The following SMG6 variants were observed in gnomAD, a reference collection of about 807,000 sequenced individuals.
The protein encoded by SMG6 is telomerase-binding protein EST1A.
A neutral mutation model predicts 142.2 loss-of-function variants in SMG6; 66 were observed. The ratio of observed to expected loss-of-function variants is 0.46; its 90% CI spans 0.38 to 0.57. The LOEUF is 0.57. Ranked by LOEUF, SMG6 falls within the 20% of genes least tolerant of loss-of-function variation. SMG6 has a pLI of 0.00. For synonymous variants in SMG6, 779 were observed against 702.4 expected, an observed-to-expected ratio of 1.11 and a Z score of -1.72; for missense variants, 1,793 against 1,832.0, an observed-to-expected ratio of 0.98 and a Z score of 0.39.
At chr17:2,254,420 C>T (rs938990012) in intron 8 of SMG6, among the ~76,000 whole-genome samples, 4 of 152,174 alleles carry the variant, frequency 2.6e-5, no homozygotes, top group South Asian at 2.1e-4. Flanking sequence ...CTGCAACCTC[C>T]GCCTCTGGGG....
chr17:2,207,596 T>C (rs2072727181), intron 10 of SMG6, among the ~76,000 whole-genome samples: 1 of 152,118 alleles, frequency 6.6e-6, no homozygotes, highest in Non-Finnish European at 1.5e-5. Context: ...AGATCAATGA[T>C]ATATTAAAAT....
chr17:2,261,103 G>A (rs979564497), intron 8 of SMG6, among the ~76,000 whole-genome samples: 1 of 151,712 alleles, frequency 6.6e-6, no homozygotes, highest in African/African-American at 2.4e-5. Context: ...TCAGGAGATC[G>A]AGACCATCCT....
At chr17:2,255,431 A>AAAAAAAC (rs2074149897) in intron 8 of SMG6, among the ~76,000 whole-genome samples, 1 of 132,752 alleles carries the variant, frequency 7.5e-6, no homozygotes, top group Non-Finnish European at 1.6e-5. Flanking sequence ...AAAAAAAAAG[A>AAAAAAAC]ATGTGATCTT....
Position 2,060,508 on chromosome 17 carries a change from A to T in SMG6, c.*984T>A, listed in dbSNP as rs2067742112. 1 of 152,244 alleles carries T rather than the reference A, an allele frequency of 6.6e-6. No homozygotes were observed. Among genetic ancestry groups the T allele is most frequent in the African/African-American group, 2.4e-5 (1 of 41,446 alleles). 9.4% of individuals were successfully genotyped at this position (152,244 alleles called of 1,614,324 possible). ...TAGGTTCCTGCCATGGGTAGTAGAGAGGGAAAGTTCAGAGTGAGAACCCCT... is the reference window on the plus strand; with the variant it reads ...TAGGTTCCTGCCATGGGTAGTAGAGTGGGAAAGTTCAGAGTGAGAACCCCT... On this transcript the variant is annotated 3_prime_UTR_variant, in exon 19 of 19. Coordinates refer to ENST00000263073, the MANE Select transcript of SMG6 (RefSeq NM_017575.5).
At chr17:2,184,132 C>CG (rs2071895536) in intron 12 of SMG6, among the ~76,000 whole-genome samples, 2 of 151,856 alleles carry the variant, frequency 1.3e-5, no homozygotes, top group Non-Finnish European at 2.9e-5. Context: ...GAGGCTGAGG[C>CG]GGGTGGACCA....
intron 6 of SMG6, among the ~76,000 whole-genome samples, chr17:2,288,687 G>C (rs111516101): frequency 0.056 from 8,446 of 151,250 alleles, 767 homozygotes; most frequent in African/African-American, 0.19. Flanking sequence ...CTAGCACTTT[G>C]AGAGGCTGAG....
At chr17:2,075,965 A>C (rs770839246) in intron 15 of SMG6, among the ~76,000 whole-genome samples, 8 of 152,190 alleles carry the variant, frequency 5.3e-5, no homozygotes, top group Non-Finnish European at 1.0e-4. Flanking sequence ...CAACGCCGGA[A>C]GCAGGGAGGG....
At chr17:2,161,116 T>G (rs544257712) in intron 13 of SMG6, among the ~76,000 whole-genome samples, 17 of 151,356 alleles carry the variant, frequency 1.1e-4, no homozygotes, top group Middle Eastern at 3.4e-3. Flanking sequence ...TTTTTTTTTT[T>G]TTTTTTTAGA....
At chr17:2,223,609 T>A (rs925940625) in intron 10 of SMG6, among the ~76,000 whole-genome samples, 1 of 151,904 alleles carries the variant, frequency 6.6e-6, no homozygotes, top group Admixed American at 6.6e-5. Context: ...AACAACAGAG[T>A]ACTCTTTTCC....
chr17:2,279,204 G>C (rs1012929837), intron 8 of SMG6, among the ~76,000 whole-genome samples: 1 of 152,238 alleles, frequency 6.6e-6, no homozygotes, highest in African/African-American at 2.4e-5. Context: ...GATAAAGGCA[G>C]AAATACCAGT....
chr17:2,086,402 C>T (rs2068562497), intron 13 of SMG6, among the ~76,000 whole-genome samples: 1 of 152,166 alleles, frequency 6.6e-6, no homozygotes, highest in African/African-American at 2.4e-5. Flanking sequence ...TTGGCTGTTT[C>T]ATTTCAACCA....
chr17:2,281,056 A>G (rs2074774279), intron 8 of SMG6, among the ~76,000 whole-genome samples: 1 of 152,112 alleles, frequency 6.6e-6, no homozygotes, highest in African/African-American at 2.4e-5. Context: ...CCTGTTTTTG[A>G]TTGTATTCAT....
chr17:2,147,463 G>A (rs546387395), intron 13 of SMG6, among the ~76,000 whole-genome samples: 2 of 152,226 alleles, frequency 1.3e-5, no homozygotes, highest in East Asian at 1.9e-4. Flanking sequence ...CTAGGTGGGC[G>A]TAGTGGTGCA....
intron 10 of SMG6, among the ~76,000 whole-genome samples, chr17:2,206,480 G>A (rs760819131): frequency 1.3e-5 from 2 of 152,110 alleles, no homozygotes; most frequent in African/African-American, 2.4e-5. Context: ...TCACGAGGCT[G>A]AGGTAGGAGG....
intron 10 of SMG6, among the ~76,000 whole-genome samples, chr17:2,194,888 G>C (rs1384612619): frequency 6.6e-6 from 1 of 152,084 alleles, no homozygotes; most frequent in East Asian, 1.9e-4. Flanking sequence ...CCAAGTAAGG[G>C]GGAAGAAACT....
intron 13 of SMG6, chr17:2,087,376 G>A (rs548210295): frequency 2.5e-6 from 3 of 1,192,136 alleles, no homozygotes; most frequent in African/African-American, 1.6e-5. Context: ...GGTCAACTGT[G>A]TGCTCTGTGG....
intron 12 of SMG6, 104 bp from the exon 13 acceptor site, chr17:2,172,963 T>C (rs753778645): frequency 7.3e-5 from 82 of 1,124,106 alleles, no homozygotes; most frequent in Non-Finnish European, 9.9e-5. Flanking sequence ...AAATGTTGTC[T>C]AGGCTGGCAT....
At chr17:2,164,287 G>C (rs2071266813) in intron 13 of SMG6, among the ~76,000 whole-genome samples, 1 of 151,470 alleles carries the variant, frequency 6.6e-6, no homozygotes, top group South Asian at 2.1e-4. Context: ...GCCGGGCATG[G>C]TGGCAGGTGC....
At chr17:2,119,058 A>AT (rs540988591) in intron 13 of SMG6, among the ~76,000 whole-genome samples, 2,746 of 130,472 alleles carry the variant, frequency 0.021, 55 homozygotes, top group South Asian at 0.068. Context: ...CACCTGGCTA[A>AT]TTTTTTTTTT....
Sources: allele counts gnomAD v4.1 joint callset (sites outside exome capture counted in the v4.1 genomes callset), GRCh38; gene constraint gnomAD v4.1.1; transcripts MANE v1.5; gene names NCBI Gene and HGNC (gene_info 2026-07-23, HGNC 2026-07-21).